Variants in AUTS2 observed in about 807,000 individuals in gnomAD.
The protein encoded by AUTS2 is autism susceptibility gene 2 protein.
AUTS2 carries 17 observed loss-of-function variants against 112.4 expected under a neutral mutation model. The ratio of observed to expected loss-of-function variants is 0.15; its 90% CI spans 0.10 to 0.23. AUTS2 has a LOEUF of 0.23. Ranked by LOEUF, AUTS2 falls within the 10% of genes least tolerant of loss-of-function variation. The pLI, the probability that AUTS2 is intolerant of heterozygous loss-of-function variation, is 1.00. For synonymous variants in AUTS2, 751 were observed against 702.7 expected, an observed-to-expected ratio of 1.07 and a Z score of -1.09; for missense variants, 1,510 against 1,701.6, an observed-to-expected ratio of 0.89 and a Z score of 1.98.
chr7:69,617,163 C>A (rs1319776350), intron 1 of AUTS2, among the ~76,000 whole-genome samples: 1 of 152,056 alleles, frequency 6.6e-6, no homozygotes, highest in African/African-American at 2.4e-5. Context: ...AACATTGATT[C>A]TTTTCATTAT....
chr7:70,425,966 A>G (rs1795420137), intron 4 of AUTS2, among the ~76,000 whole-genome samples: 1 of 151,954 alleles, frequency 6.6e-6, no homozygotes, highest in East Asian at 1.9e-4. Flanking sequence ...TATTAACTCA[A>G]TTAACGTTCT....
intron 1 of AUTS2, among the ~76,000 whole-genome samples, chr7:69,801,558 A>G (rs932984967): frequency 2.0e-5 from 3 of 151,558 alleles, no homozygotes; most frequent in African/African-American, 7.3e-5. Flanking sequence ...ATACATAAAT[A>G]TGTTTGTGTA....
rs3078929 is a variant in AUTS2 at position 70,255,074 on chromosome 7, C to CTT, written c.660+120521_660+120522dup. Among the ~76,000 whole-genome samples, 120 of 129,628 alleles carry CTT rather than the reference C, an allele frequency of 9.3e-4. 1 individual carries two copies. The highest frequency in any genetic ancestry group is 4.5e-3 in the Middle Eastern group (1 of 224). The allele number at this position is 129,628 out of a possible 152,430, so 85.0% of individuals were successfully genotyped here. ...GGGTTGTTCTGGACCTCAAAATTAC[C>CTT]TTTTTTTTTTTTTTTTTTTGACGGA... On this transcript the variant is annotated intron_variant, in intron 4 of 18. Coordinates refer to ENST00000342771, the MANE Select transcript of AUTS2 (RefSeq NM_015570.4).
chr7:70,668,056 T>A (rs931402030), intron 5 of AUTS2, among the ~76,000 whole-genome samples: 8 of 152,244 alleles, frequency 5.3e-5, no homozygotes, highest in African/African-American at 1.9e-4. Context: ...CTCAGCTCAC[T>A]GCAGCCTCCA....
chr7:69,974,701 A>T (rs1470570498), intron 2 of AUTS2, among the ~76,000 whole-genome samples: 1 of 152,166 alleles, frequency 6.6e-6, no homozygotes, highest in African/African-American at 2.4e-5. Context: ...CACGTGCCCA[A>T]ATAGGGCATC....
intron 5 of AUTS2, among the ~76,000 whole-genome samples, chr7:70,697,919 T>A (rs1050099948): frequency 6.6e-6 from 1 of 152,178 alleles, no homozygotes; most frequent in Non-Finnish European, 1.5e-5. Context: ...TTCACCTTCC[T>A]CAAGCCACTG....
intron 5 of AUTS2, among the ~76,000 whole-genome samples, chr7:70,505,304 G>A (rs1458437643): frequency 6.6e-6 from 1 of 152,186 alleles, no homozygotes; most frequent in Non-Finnish European, 1.5e-5. Flanking sequence ...GGTGGGTGAT[G>A]GTTTCCTTTC....
intron 1 of AUTS2, among the ~76,000 whole-genome samples, chr7:69,758,499 C>T (rs190100807): frequency 2.9e-4 from 44 of 152,282 alleles, no homozygotes; most frequent in African/African-American, 9.1e-4. Context: ...ACATCTCTTT[C>T]GTCACTGTGT....
chr7:70,528,169 A>G (rs931350041), intron 5 of AUTS2, among the ~76,000 whole-genome samples: 5 of 147,290 alleles, frequency 3.4e-5, no homozygotes, highest in African/African-American at 1.3e-4. Flanking sequence ...ATAAGATATA[A>G]TTGATATTGT....
At chr7:70,389,096 C>T (rs902029922) in intron 4 of AUTS2, among the ~76,000 whole-genome samples, 52 of 152,256 alleles carry the variant, frequency 3.4e-4, no homozygotes, top group African/African-American at 1.2e-3. Context: ...GCAATTTTGA[C>T]TTTCTTTTTA....
At chr7:70,786,404 C>T (rs1401709103) in intron 17 of AUTS2, among the ~76,000 whole-genome samples, 2 of 152,160 alleles carry the variant, frequency 1.3e-5, no homozygotes, top group Non-Finnish European at 2.9e-5. Flanking sequence ...TTCATCTTGC[C>T]CGTGGCATTC....
At chr7:70,295,420 A>G (rs181862383) in intron 4 of AUTS2, among the ~76,000 whole-genome samples, 2 of 152,300 alleles carry the variant, frequency 1.3e-5, no homozygotes, top group Admixed American at 1.3e-4. Context: ...GCTGACTCCT[A>G]CTGCTTAAAC....
chr7:70,699,712 G>C (rs77039724), intron 6 of AUTS2, among the ~76,000 whole-genome samples: 4,124 of 152,206 alleles, frequency 0.027, 220 homozygotes, highest in African/African-American at 0.092. Flanking sequence ...GAGTATTCCA[G>C]TTTTATATTT....
chr7:69,610,899 A>G (rs1392883198), intron 1 of AUTS2, among the ~76,000 whole-genome samples: 2 of 152,164 alleles, frequency 1.3e-5, no homozygotes, highest in Non-Finnish European at 2.9e-5. Context: ...GCAGGGCTGC[A>G]TTGTTATTAG....
intron 4 of AUTS2, among the ~76,000 whole-genome samples, chr7:70,363,850 C>T (rs1792405259): frequency 1.3e-5 from 2 of 152,222 alleles, no homozygotes; most frequent in Admixed American, 1.3e-4. Context: ...TCTATGGACT[C>T]TTACAGTCCT....
intron 5 of AUTS2, among the ~76,000 whole-genome samples, chr7:70,663,507 T>C (rs750578737): frequency 6.6e-6 from 1 of 152,098 alleles, no homozygotes; most frequent in South Asian, 2.1e-4. Context: ...GACAGTCTTA[T>C]GGATCTTGCT....
At chr7:70,312,445 A>C (rs1265576839) in intron 4 of AUTS2, among the ~76,000 whole-genome samples, 1 of 152,210 alleles carries the variant, frequency 6.6e-6, no homozygotes, top group South Asian at 2.1e-4. Flanking sequence ...TATATAATAT[A>C]GGCAGTGATT....
At position 69,704,798 on chromosome 7, in the gene AUTS2, A is replaced by G. The variant is rs58976149; in HGVS notation, c.309+104836A>G. On this transcript the variant is annotated intron_variant, in intron 1 of 18. Coordinates refer to ENST00000342771, the MANE Select transcript of AUTS2 (RefSeq NM_015570.4). Reference sequence around the variant, plus strand: ...GTACCTTGTGTTAGAGCTGAGATTCATATTCAGTATTTTGATATTCTGACT... The same window carrying G: ...GTACCTTGTGTTAGAGCTGAGATTCGTATTCAGTATTTTGATATTCTGACT... Among the ~76,000 whole-genome samples the G allele has an allele frequency of 8.6e-3, 1,302 of 152,272 alleles. 24 individuals carry two copies. Among genetic ancestry groups the G allele is most frequent in the African/African-American group, 0.03 (1,254 of 41,568 alleles).
At chr7:70,559,427 C>A (rs147388794) in intron 5 of AUTS2, among the ~76,000 whole-genome samples, 43 of 151,674 alleles carry the variant, frequency 2.8e-4, no homozygotes, top group African/African-American at 9.0e-4. Flanking sequence ...TTCTGCCTCC[C>A]GGGTTCAAGC....
Sources: gnomAD v4.1 joint callset for allele counts (sites outside exome capture counted in the v4.1 genomes callset) on GRCh38, gnomAD v4.1.1 for gene constraint, MANE v1.5 for transcripts, NCBI Gene and HGNC (gene_info 2026-07-23, HGNC 2026-07-21) for gene names.